The following IGSF11 variants were observed in gnomAD, a reference collection of about 807,000 sequenced individuals.
IGSF11 encodes immunoglobulin superfamily member 11, also known as CXADR like 1.
IGSF11 carries 22 observed loss-of-function variants against 41.0 expected under a neutral mutation model. The observed-to-expected ratio is 0.54, with a 90% CI of 0.38 to 0.77. The LOEUF is 0.77. Among genes scored for constraint, IGSF11 ranks in the 30% least tolerant of loss-of-function variants. The pLI is 0.00. For synonymous variants in IGSF11, 219 were observed against 201.3 expected, an observed-to-expected ratio of 1.09 and a Z score of -0.74; for missense variants, 444 against 530.8, an observed-to-expected ratio of 0.84 and a Z score of 1.61.
Position 118,904,689 on chromosome 3 carries a change from T to G in IGSF11, c.813A>C (p.Lys271Asn). The G allele has an allele frequency of 5.6e-6, 9 of 1,612,500 alleles. No homozygotes were observed. The highest frequency in any genetic ancestry group is 7.6e-6 in the Non-Finnish European group (9 of 1,179,080). Reference protein sequence around the residue: ...ILGAFFYWRSKNKEEEEEEIP... With the variant: ...ILGAFFYWRSNNKEEEEEEIP... The stretch of plus-strand genomic sequence containing the variant: ...TTTCTTCTTCTTCCTCCTCTTTATT[T>G]TTGCTTCTCCAGTAAAAGAATGCCC... Residue 271 changes from lysine to asparagine, a missense_variant, in exon 6 of 7, where the codon AAA becomes AAC. Coordinates refer to ENST00000393775, the MANE Select transcript of IGSF11 (RefSeq NM_001015887.3).
chr3:119,133,330 T>C (rs1473921748), intron 1 of IGSF11, among the ~76,000 whole-genome samples: 1 of 151,782 alleles, frequency 6.6e-6, no homozygotes. Flanking sequence ...GCAAGACTAG[T>C]AAAGAAGAAA....
intron 1 of IGSF11, among the ~76,000 whole-genome samples, chr3:119,075,412 G>A (rs903666837): frequency 1.3e-5 from 2 of 152,082 alleles, no homozygotes; most frequent in South Asian, 4.1e-4. Context: ...AGAAGATCTG[G>A]TACCAATCCT....
chr3:118,925,314 T>C (rs1005662052), intron 4 of IGSF11, among the ~76,000 whole-genome samples: 4 of 152,280 alleles, frequency 2.6e-5, no homozygotes, highest in Non-Finnish European at 2.9e-5. Context: ...ATTAAGGTTG[T>C]TTGTGGCCTC....
intron 1 of IGSF11, among the ~76,000 whole-genome samples, chr3:119,059,637 A>G (rs1023715981): frequency 2.6e-5 from 4 of 152,172 alleles, no homozygotes; most frequent in African/African-American, 9.7e-5. Context: ...GAGGCATCCA[A>G]AACTGCAGAC....
At chr3:119,057,868 G>A (rs1349703189) in intron 1 of IGSF11, among the ~76,000 whole-genome samples, 3 of 152,120 alleles carry the variant, frequency 2.0e-5, no homozygotes, top group African/African-American at 7.2e-5. Context: ...AACAAGCAAT[G>A]GGGAAAGGAT....
chr3:119,064,351 G>A (rs558574534), intron 1 of IGSF11, among the ~76,000 whole-genome samples: 1 of 152,220 alleles, frequency 6.6e-6, no homozygotes, highest in African/African-American at 2.4e-5. Flanking sequence ...TTAGATGGCT[G>A]AGTATGTGTA....
intron 1 of IGSF11, among the ~76,000 whole-genome samples, chr3:119,049,553 C>A (rs1375873180): frequency 2.0e-5 from 3 of 151,160 alleles, no homozygotes; most frequent in African/African-American, 7.3e-5. Flanking sequence ...GAATCAATAT[C>A]GTGAAAATGG....
rs1242971162 is a variant in IGSF11, at chr3:118,951,422, A to G, written c.53-21147T>C. The stretch of plus-strand genomic sequence containing the variant: ...GTATCTTAACATTTTCTAATTCTCC[A>G]TCACACAGATACAACTACACACACA... On this transcript the variant is annotated intron_variant, in intron 1 of 6. Transcript: ENST00000393775. Among the ~76,000 whole-genome samples, 3 of 152,248 alleles carry G rather than the reference A, an allele frequency of 2.0e-5. No homozygotes were observed. The East Asian group carries it at 5.8e-4, about 29-fold the overall frequency.
chr3:119,097,433 G>GGT (rs1347266668), intron 1 of IGSF11, among the ~76,000 whole-genome samples: 2,974 of 152,144 alleles, frequency 0.02, 86 homozygotes, highest in African/African-American at 0.067. Context: ...CCTCTGGGGA[G>GGT]CAAACTGCTT....
At chr3:119,004,603 G>A (rs1937280740) in intron 1 of IGSF11, among the ~76,000 whole-genome samples, 2 of 143,248 alleles carry the variant, frequency 1.4e-5, no homozygotes, top group African/African-American at 5.5e-5. Context: ...GGCATTTAGT[G>A]CTATAAATTT....
intron 4 of IGSF11, among the ~76,000 whole-genome samples, chr3:118,912,862 T>C (rs1034170141): frequency 2.6e-5 from 4 of 152,058 alleles, no homozygotes; most frequent in Non-Finnish European, 5.9e-5. Context: ...AGCCAGGTGC[T>C]GTGGCTCACA....
chr3:119,005,222 CTTCT>C lies in IGSF11; in HGVS notation c.52+29305_52+29308del, dbSNP rs1275739933. Reference sequence around the variant, plus strand: ...GATCCCTTTACCATTATGTAATGGCCTTCTTTGTCTCTTTTGATCTTTGTTGGTT... The same window carrying C: ...GATCCCTTTACCATTATGTAATGGCCTTGTCTCTTTTGATCTTTGTTGGTT... On this transcript the variant is annotated intron_variant, in intron 1 of 6. Coordinates refer to ENST00000393775, the MANE Select transcript of IGSF11 (RefSeq NM_001015887.3). 4.8e-5 allele frequency among the ~76,000 whole-genome samples: 7 copies of C among 145,916 alleles called. No homozygotes were observed. The East Asian group carries it at 5.9e-4, about 12-fold the overall frequency.
chr3:118,904,179 T>C (rs1939288347), intron 6 of IGSF11, among the ~76,000 whole-genome samples: 1 of 152,220 alleles, frequency 6.6e-6, no homozygotes, highest in African/African-American at 2.4e-5. Context: ...TTAAAGATGA[T>C]GTTGGCATTG....
intron 3 of IGSF11, among the ~76,000 whole-genome samples, chr3:118,926,740 T>C (rs890162884): frequency 6.6e-6 from 1 of 152,168 alleles, no homozygotes; most frequent in Admixed American, 6.5e-5. Flanking sequence ...TTCTGCTTTA[T>C]GGTGGAGAAA....
At chr3:119,094,251 A>AAAAAAAAAAAAAAAAAAG (rs2076812553) in intron 1 of IGSF11, among the ~76,000 whole-genome samples, 2 of 125,962 alleles carry the variant, frequency 1.6e-5, no homozygotes, top group South Asian at 3.0e-4. Flanking sequence ...AAAAAAAAAA[A>AAAAAAAAAAAAAAAAAAG]GTTGTTGTTC....
intron 1 of IGSF11, among the ~76,000 whole-genome samples, chr3:119,028,708 A>AC (rs1459169864): frequency 6.6e-6 from 1 of 151,948 alleles, no homozygotes; most frequent in African/African-American, 2.4e-5. Flanking sequence ...AATTTGAAAA[A>AC]AAAACTATGA....
At chr3:119,076,152 A>C (rs562492145) in intron 1 of IGSF11, among the ~76,000 whole-genome samples, 12 of 152,322 alleles carry the variant, frequency 7.9e-5, no homozygotes, top group African/African-American at 2.2e-4. Context: ...CAAAAACAAG[A>C]AATGGGGAAA....
chr3:119,056,046 A>G (rs1212225820), intron 1 of IGSF11, among the ~76,000 whole-genome samples: 1 of 152,190 alleles, frequency 6.6e-6, no homozygotes. Context: ...ACACCCTAAT[A>G]TCACAATTAA....
At chr3:119,034,936 A>G (rs952000754), upstream of IGSF11, 323 of 721,810 alleles carry the variant, frequency 4.5e-4, 1 homozygote, top group Non-Finnish European at 4.4e-4. Flanking sequence ...CGCGCCGCCC[A>G]CTCGCCCCGC....
Sources: allele counts gnomAD v4.1 joint callset (sites outside exome capture counted in the v4.1 genomes callset), GRCh38; gene constraint gnomAD v4.1.1; transcripts MANE v1.5; gene names NCBI Gene and HGNC (gene_info 2026-07-23, HGNC 2026-07-21).